Variants in CLCN3 observed in about 807,000 individuals in gnomAD.
CLCN3 encodes H(+)/Cl(-) exchange transporter 3.
In CLCN3, 16 loss-of-function variants were observed where a neutral mutation model predicts 83.4. The observed-to-expected ratio is 0.19, with a 90% CI of 0.13 to 0.29. The LOEUF (loss-of-function observed/expected upper bound fraction) is 0.29, where lower values mean the gene tolerates loss of function less well. Ranked by LOEUF, CLCN3 falls within the 10% of genes least tolerant of loss-of-function variation. The pLI, the probability that CLCN3 is intolerant of heterozygous loss-of-function variation, is 1.00. For missense variants in CLCN3, 544 were observed against 1,006.0 expected, an observed-to-expected ratio of 0.54 and a Z score of 6.21; for synonymous variants, 322 against 346.2, an observed-to-expected ratio of 0.93 and a Z score of 0.78.
intron 10 of CLCN3, among the ~76,000 whole-genome samples, chr4:169,706,256 AAC>A (rs1352724436): frequency 6.6e-6 from 1 of 151,974 alleles, no homozygotes; most frequent in Admixed American, 6.6e-5. Context: ...GCTGGTCTCA[AAC>A]TCCTTGACTT....
intron 1 of CLCN3, among the ~76,000 whole-genome samples, chr4:169,633,630 G>A (rs761747552): frequency 1.8e-4 from 28 of 152,268 alleles, no homozygotes; most frequent in Admixed American, 4.6e-4. Context: ...TGTTAGTGCT[G>A]CAAATGCAAG....
At chr4:169,716,643 T>C (rs1733432469) in intron 12 of CLCN3, among the ~76,000 whole-genome samples, 1 of 152,164 alleles carries the variant, frequency 6.6e-6, no homozygotes, top group Non-Finnish European at 1.5e-5. Context: ...TGAGAACTTT[T>C]AAGGATCGAT....
At chr4:169,671,864 CT>C (rs1295459184) in intron 2 of CLCN3, among the ~76,000 whole-genome samples, 2 of 152,114 alleles carry the variant, frequency 1.3e-5, no homozygotes, top group African/African-American at 2.4e-5. Context: ...TAAGTGAGAA[CT>C]GCATATGCTT....
At chr4:169,642,888 C>T (rs1293683078) in intron 2 of CLCN3, 1 of 152,170 alleles carries the variant, frequency 6.6e-6, no homozygotes, top group Non-Finnish European at 1.5e-5. Context: ...TCCACAATGA[C>T]ACCATTATTA....
chr4:169,636,650 C>T (rs1378704678), intron 2 of CLCN3, among the ~76,000 whole-genome samples: 3 of 150,822 alleles, frequency 2.0e-5, no homozygotes, highest in African/African-American at 4.9e-5. Context: ...CAATAGTTAA[C>T]GTATTTTCAT....
chr4:169,632,361 A>G (rs963704994), intron 1 of CLCN3, among the ~76,000 whole-genome samples: 5 of 152,170 alleles, frequency 3.3e-5, no homozygotes, highest in Admixed American at 2.0e-4. Context: ...AAAATGCTCA[A>G]CATCACTAAT....
At chr4:169,683,744 ATT>A (rs762304193) in intron 3 of CLCN3, among the ~76,000 whole-genome samples, 9 of 141,132 alleles carry the variant, frequency 6.4e-5, no homozygotes, top group Non-Finnish European at 6.2e-5. Flanking sequence ...CTTAAAATTA[ATT>A]TTTTTTTTTT....
chr4:169,655,872 C>T (rs1730867903), intron 2 of CLCN3, among the ~76,000 whole-genome samples: 1 of 152,060 alleles, frequency 6.6e-6, no homozygotes. Context: ...ATTTGGGTAA[C>T]CGGATAGCTA....
At chr4:169,632,605 T>C (rs1773402518) in intron 1 of CLCN3, among the ~76,000 whole-genome samples, 1 of 150,062 alleles carries the variant, frequency 6.7e-6, no homozygotes, top group Admixed American at 6.7e-5. Context: ...TAGTCCCAGG[T>C]ACTCGGGAGG....
rs1405984426 is a variant in CLCN3 at position 169,721,214 on chromosome 4, A to C, written c.*1217A>C. ...TTATGGATTAAAATTTATAAAATAC[A>C]GATCAGTTAATATTGCACTTAAGTA... On this transcript the variant is annotated 3_prime_UTR_variant, in exon 13 of 13. Transcript: ENST00000513761. 1 of 152,240 alleles carries C rather than the reference A, an allele frequency of 6.6e-6. No homozygotes were observed. The highest frequency in any genetic ancestry group is 1.5e-5 in the Non-Finnish European group (1 of 68,040). The allele number at this position is 152,240 out of a possible 1,614,324, so 9.4% of individuals were successfully genotyped here.
intron 2 of CLCN3, among the ~76,000 whole-genome samples, chr4:169,645,466 A>C (rs1409201793): frequency 2.0e-5 from 3 of 152,174 alleles, no homozygotes; most frequent in Admixed American, 2.0e-4. Context: ...GTATTTTCCA[A>C]ATTGTCAGCA....
chr4:169,621,707 T>C lies in CLCN3; in HGVS notation c.-17+644T>C, dbSNP rs549279505. Among the ~76,000 whole-genome samples the C allele has an allele frequency of 1.2e-4, 18 of 152,368 alleles. No homozygotes were observed. The South Asian group carries it at 3.7e-3, about 32-fold the overall frequency. On this transcript the variant is annotated intron_variant, in intron 1 of 12. Coordinates refer to ENST00000513761, the MANE Select transcript of CLCN3 (RefSeq NM_001829.4). Reference sequence around the variant, plus strand: ...CTACAAACGTAAACTTTTGGAGCTATGCAGTTCAGTTACTGCAGCATCATT... The same window carrying C: ...CTACAAACGTAAACTTTTGGAGCTACGCAGTTCAGTTACTGCAGCATCATT...
chr4:169,708,740 A>G (rs1474130046), intron 11 of CLCN3, among the ~76,000 whole-genome samples: 1 of 152,108 alleles, frequency 6.6e-6, no homozygotes, highest in Non-Finnish European at 1.5e-5. Context: ...TACTGTCTTG[A>G]GAGAGAGAAT....
intron 10 of CLCN3, 56 bp from the exon 11 acceptor site, chr4:169,706,812 A>C: frequency 6.8e-7 from 1 of 1,474,390 alleles, no homozygotes; most frequent in South Asian, 1.3e-5. Context: ...AATTCTAATA[A>C]AATGTAATGA....
At chr4:169,714,689 T>C (rs945259532) in intron 12 of CLCN3, among the ~76,000 whole-genome samples, 1 of 152,142 alleles carries the variant, frequency 6.6e-6, no homozygotes, top group Non-Finnish European at 1.5e-5. Flanking sequence ...AATAGAAATA[T>C]GAAACTAGAG....
In CLCN3 at chr4:169,720,002, C is replaced by T. The variant is rs1204067154; in HGVS notation, c.*5C>T. On this transcript the variant is annotated 3_prime_UTR_variant, in exon 13 of 13. Coordinates refer to ENST00000513761, the MANE Select transcript of CLCN3 (RefSeq NM_001829.4). ...GCTTCAATAATGTTCAACTGAATCT[C>T]ACAGATGAGGAGAGAGAAGAAACGG... The T allele has an allele frequency of 6.2e-7, 1 of 1,613,522 alleles. No homozygotes were observed. Among genetic ancestry groups the T allele is most frequent in the East Asian group, 2.2e-5 (1 of 44,870 alleles).
intron 2 of CLCN3, among the ~76,000 whole-genome samples, chr4:169,678,280 C>T (rs34693969): frequency 1.3e-5 from 2 of 152,116 alleles, no homozygotes; most frequent in Non-Finnish European, 2.9e-5. Flanking sequence ...GACTATTATG[C>T]AGGCTAATTG....
intron 3 of CLCN3, among the ~76,000 whole-genome samples, chr4:169,683,393 G>A (rs1732023963): frequency 6.6e-6 from 1 of 152,170 alleles, no homozygotes; most frequent in African/African-American, 2.4e-5. Context: ...TACTCGGAAA[G>A]CTGAGGTGGG....
rs192227818 is a variant in CLCN3, at chr4:169,717,476, G to A, written c.2367-2431G>A. On this transcript the variant is annotated intron_variant, in intron 12 of 12. Transcript: ENST00000513761. Reference sequence around the variant, plus strand: ...CTACATATCAGAGGTCTATAGCTATGTATCAATATTAAGTTTCTTTTGTAC... The same window carrying A: ...CTACATATCAGAGGTCTATAGCTATATATCAATATTAAGTTTCTTTTGTAC... Among the ~76,000 whole-genome samples the A allele has an allele frequency of 1.2e-3, 184 of 152,164 alleles. 1 individual carries two copies. Among genetic ancestry groups the A allele is most frequent in the Non-Finnish European group, 1.2e-3 (84 of 67,990 alleles).
Sources: allele counts gnomAD v4.1 joint callset (sites outside exome capture counted in the v4.1 genomes callset), GRCh38; gene constraint gnomAD v4.1.1; transcripts MANE v1.5; gene names NCBI Gene and HGNC (gene_info 2026-07-23, HGNC 2026-07-21).